The following SVIL variants were observed in gnomAD, a reference collection of about 807,000 sequenced individuals.
The protein encoded by SVIL is supervillin.
In SVIL, 101 loss-of-function variants were observed where a neutral mutation model predicts 240.4. The observed-to-expected ratio is 0.42, with a 90% CI of 0.36 to 0.50. SVIL has a LOEUF of 0.50. SVIL is among the 20% of genes least tolerant of loss of function. The pLI, the probability that SVIL is intolerant of heterozygous loss-of-function variation, is 0.01. For synonymous variants in SVIL, 999 were observed against 1,100.0 expected (o/e 0.91, Z 1.82); for missense variants, 2,512 against 2,818.7 (o/e 0.89, Z 2.46).
chr10:29,623,402 T>C (rs184748123), intron 1 of SVIL, among the ~76,000 whole-genome samples: 1 of 152,346 alleles, frequency 6.6e-6, no homozygotes, highest in African/African-American at 2.4e-5. Flanking sequence ...CATCAACAGA[T>C]TGTCCAGTTC....
chr10:29,569,270 T>C lies in SVIL; in HGVS notation c.-158A>G, dbSNP rs2132719346. ...GCCACTTTACCTTGAAACTTTCCTTTGACGTGGGAATCCAAGGAAGCTTAA... is the reference window on the plus strand; with the variant it reads ...GCCACTTTACCTTGAAACTTTCCTTCGACGTGGGAATCCAAGGAAGCTTAA... On this transcript the variant is annotated 5_prime_UTR_variant, in exon 2 of 38. Transcript: ENST00000355867. 3 of 985,878 alleles carry C rather than the reference T, an allele frequency of 3.0e-6. No homozygotes were observed. Among genetic ancestry groups the C allele is most frequent in the East Asian group, 1.1e-4 (1 of 8,818 alleles). 61.1% of individuals were successfully genotyped at this position (985,878 alleles called of 1,614,324 possible). A position where few individuals can be genotyped will look rare whatever the true frequency, so the allele number is the denominator to read the frequency against.
chr10:29,640,931 C>T (rs1012308158), intron 3 of SVIL, among the ~76,000 whole-genome samples: 6 of 152,222 alleles, frequency 3.9e-5, no homozygotes, highest in Non-Finnish European at 8.8e-5. Flanking sequence ...GAGAGTCCCC[C>T]AGCAGTTCTC....
At chr10:29,568,016 CAA>C (rs796422925) in intron 2 of SVIL, among the ~76,000 whole-genome samples, 1 of 83,808 alleles carries the variant, frequency 1.2e-5, no homozygotes. Context: ...GACTCCGTCT[CAA>C]AAAAAAAAAC....
chr10:29,629,676 G>A (rs1191621440), intron 1 of SVIL, among the ~76,000 whole-genome samples: 1 of 129,958 alleles, frequency 7.7e-6, no homozygotes, highest in Non-Finnish European at 1.8e-5. Context: ...TATTTCTTGG[G>A]GGCTACTGTA....
Position 29,463,545 on chromosome 10 carries a change from C to A in SVIL, c.6224G>T (p.Arg2075Leu), listed in dbSNP as rs757183968. The change falls in exon 35 of 38, where the codon CGC (arginine) becomes CTC (leucine). Residue 2075 changes from arginine to leucine, a missense_variant. Around this residue, in one of 3 missense-constraint regions of SVIL, gnomAD observed 797 missense variants for 925.3 expected, o/e 0.86. Transcript: ENST00000355867. ...CGCACTCTTCCGGTCGGAGGCCCAG[C>A]GGATGCGGGCGGAACCAGTGATCTT... The part of the protein sequence containing the change: ...ENKITGSARI[R>L]WASDRKSAME... 6.2e-7 allele frequency: 1 copy of A among 1,614,100 alleles called. No homozygotes were observed. The highest frequency in any genetic ancestry group is 8.5e-7 in the Non-Finnish European group (1 of 1,180,016).
chr10:29,651,531 C>A (rs1247451), intron 3 of SVIL, among the ~76,000 whole-genome samples: 26,719 of 151,782 alleles, frequency 0.18, 2,530 homozygotes, highest in South Asian at 0.34. Context: ...CACTCTCTTA[C>A]TTCTCCTTCC....
intron 9 of SVIL, among the ~76,000 whole-genome samples, chr10:29,531,626 T>C (rs1951375702): frequency 6.6e-6 from 1 of 152,238 alleles, no homozygotes; most frequent in Admixed American, 6.5e-5. Flanking sequence ...ATACAACAAG[T>C]AGATGGACAT....
At chr10:29,498,974 C>G (rs1007656330) in intron 18 of SVIL, 142 bp downstream of exon 18, 3 of 1,242,348 alleles carry the variant, frequency 2.4e-6, no homozygotes, top group Non-Finnish European at 3.3e-6. Context: ...GAGCAAGACC[C>G]TGTCTCTTAG....
At chr10:29,685,355 G>C (rs1467216637) in intron 2 of SVIL, among the ~76,000 whole-genome samples, 2 of 152,150 alleles carry the variant, frequency 1.3e-5, no homozygotes, top group Non-Finnish European at 2.9e-5. Flanking sequence ...TCCATGTCTT[G>C]CTATTGAGAA....
At chr10:29,630,850 T>C (rs1958059487) in intron 1 of SVIL, among the ~76,000 whole-genome samples, 3 of 152,110 alleles carry the variant, frequency 2.0e-5, no homozygotes, top group Non-Finnish European at 4.4e-5. Context: ...AATTTCGATA[T>C]GAAGAACCCA....
intron 2 of SVIL, among the ~76,000 whole-genome samples, chr10:29,668,409 G>A (rs889351436): frequency 6.6e-6 from 1 of 152,178 alleles, no homozygotes; most frequent in Non-Finnish European, 1.5e-5. Flanking sequence ...CAATCCAAAT[G>A]TTTAATTATG....
chr10:29,502,025 CA>C (rs564383922), intron 17 of SVIL, among the ~76,000 whole-genome samples: 114 of 152,310 alleles, frequency 7.5e-4, no homozygotes, highest in African/African-American at 2.6e-3. Flanking sequence ...GGGATTCCCT[CA>C]GAGCCCTTTA....
chr10:29,479,874 A>G (rs1946638230), intron 29 of SVIL, among the ~76,000 whole-genome samples: 1 of 152,158 alleles, frequency 6.6e-6, no homozygotes. Context: ...GCGCTGTGGA[A>G]AAGGCTCCTC....
intron 16 of SVIL, among the ~76,000 whole-genome samples, chr10:29,514,995 G>A (rs575315018): frequency 6.6e-6 from 1 of 152,336 alleles, no homozygotes; most frequent in African/African-American, 2.4e-5. Flanking sequence ...ATAACGGGAA[G>A]TAAGCCGTGA....
chr10:29,637,633 C>T (rs1230635594), upstream of SVIL, among the ~76,000 whole-genome samples: 1 of 152,210 alleles, frequency 6.6e-6, no homozygotes, highest in Non-Finnish European at 1.5e-5. Flanking sequence ...AACCCAGAGA[C>T]AGGCCCACAT....
At chr10:29,566,795 C>T (rs535194668) in intron 2 of SVIL, among the ~76,000 whole-genome samples, 3 of 152,106 alleles carry the variant, frequency 2.0e-5, no homozygotes, top group Admixed American at 2.0e-4. Flanking sequence ...TGACCAGTGA[C>T]CCCAAAAGCA....
chr10:29,520,800 C>T (rs1950510741), intron 16 of SVIL, among the ~76,000 whole-genome samples: 2 of 151,964 alleles, frequency 1.3e-5, no homozygotes, highest in South Asian at 4.1e-4. Flanking sequence ...TCTGCAGTCC[C>T]AGCTACTGGG....
At chr10:29,585,640 T>A (rs561288604) in intron 1 of SVIL, among the ~76,000 whole-genome samples, 4 of 151,452 alleles carry the variant, frequency 2.6e-5, no homozygotes, top group African/African-American at 9.7e-5. Flanking sequence ...TCAGATGTCA[T>A]CTCCCAACTG....
At chr10:29,682,766 A>T (rs185578525) in intron 2 of SVIL, among the ~76,000 whole-genome samples, 6 of 152,368 alleles carry the variant, frequency 3.9e-5, no homozygotes, top group Admixed American at 1.3e-4. Context: ...GAATGGTCAC[A>T]GGACATTCAG....
Sources: gnomAD v4.1 joint callset for allele counts (sites outside exome capture counted in the v4.1 genomes callset) on GRCh38, gnomAD v4.1.1 for gene constraint, gnomAD v4.1.1 regional missense constraint, MANE v1.5 for transcripts, NCBI Gene and HGNC (gene_info 2026-07-23, HGNC 2026-07-21) for gene names.